The following SNTG1 variants were observed in gnomAD, a reference collection of about 807,000 sequenced individuals.
SNTG1 encodes the protein syntrophin gamma 1.
A neutral mutation model predicts 74.7 loss-of-function variants in SNTG1; 39 were observed. The observed-to-expected ratio is 0.52, with a 90% confidence interval of 0.40 to 0.68. The LOEUF (loss-of-function observed/expected upper bound fraction) is 0.68, where lower values mean the gene tolerates loss of function less well. Ranked by LOEUF, SNTG1 falls within the 30% of genes least tolerant of loss-of-function variation. The probability of loss-of-function intolerance (pLI) is 0.00; values close to 1 mark genes in which losing one functional copy is unlikely to be tolerated. For missense variants in SNTG1, 685 were observed against 609.5 expected (o/e 1.12, Z -1.30); for synonymous variants, 254 against 217.1 (o/e 1.17, Z -1.49).
intron 1 of SNTG1, among the ~76,000 whole-genome samples, chr8:50,090,593 T>G (rs2079690734): frequency 6.6e-6 from 1 of 152,182 alleles, no homozygotes; most frequent in South Asian, 2.1e-4. Flanking sequence ...CTTGGCCGGG[T>G]GAAGACAATG....
At chr8:50,213,811 T>G (rs1007984617) in intron 2 of SNTG1, among the ~76,000 whole-genome samples, 5 of 151,954 alleles carry the variant, frequency 3.3e-5, no homozygotes, top group Admixed American at 3.3e-4. Flanking sequence ...TTGAGTTCAT[T>G]GTAGATTCTG....
At chr8:50,444,597 A>G (rs975432199) in intron 5 of SNTG1, among the ~76,000 whole-genome samples, 2 of 152,094 alleles carry the variant, frequency 1.3e-5, no homozygotes, top group Admixed American at 6.5e-5. Context: ...TAAAAATACA[A>G]AAATTATCCA....
In SNTG1 at chr8:50,552,010, T is replaced by A. The variant is rs149905363; in HGVS notation, c.681-1040T>A. Among the ~76,000 whole-genome samples the A allele has an allele frequency of 2.0e-3, 305 of 152,286 alleles. 2 individuals carry two copies. Among genetic ancestry groups the A allele is most frequent in the African/African-American group, 6.7e-3 (280 of 41,562 alleles). ...TTTGGGGAATAAACTCTGTTTTATA[T>A]CCAAAAATGTCTAGTAGAAGAGCCA... On this transcript the variant is annotated intron_variant, in intron 11 of 18. Coordinates refer to ENST00000642720, the MANE Select transcript of SNTG1 (RefSeq NM_018967.5).
intron 1 of SNTG1, among the ~76,000 whole-genome samples, chr8:50,086,851 A>G (rs1250398245): frequency 6.6e-6 from 1 of 152,230 alleles, no homozygotes; most frequent in Non-Finnish European, 1.5e-5. Context: ...GGGTTAGAAT[A>G]TCTGCTTAAA....
chr8:50,008,155 A>T (rs193155475), intron 1 of SNTG1, among the ~76,000 whole-genome samples: 1 of 152,240 alleles, frequency 6.6e-6, no homozygotes, highest in African/African-American at 2.4e-5. Context: ...AAAAAAACCC[A>T]CATGTTTCTA....
chr8:50,533,528 T>C (rs2094285692), intron 10 of SNTG1, among the ~76,000 whole-genome samples: 1 of 152,146 alleles, frequency 6.6e-6, no homozygotes, highest in African/African-American at 2.4e-5. Flanking sequence ...ACAAAAGTGA[T>C]TGTGTTTTTA....
chr8:50,484,145 TTTCTTTCCTTCCTTCC>T (rs2093766856), intron 8 of SNTG1, among the ~76,000 whole-genome samples: 52 of 61,178 alleles, frequency 8.5e-4, no homozygotes, highest in African/African-American at 2.2e-3. Flanking sequence ...TCCTTCTTTC[TTTCTTTCCTTCCTTCC>T]TTCCTTCCTT....
intron 1 of SNTG1, among the ~76,000 whole-genome samples, chr8:49,946,488 TA>T (rs1483251746): frequency 6.6e-6 from 1 of 152,224 alleles, no homozygotes; most frequent in African/African-American, 2.4e-5. Context: ...TTGAACATTT[TA>T]AATATTTGAA....
chr8:50,248,154 C>T (rs1428530635), intron 2 of SNTG1, among the ~76,000 whole-genome samples: 1 of 152,134 alleles, frequency 6.6e-6, no homozygotes, highest in Non-Finnish European at 1.5e-5. Context: ...TCTGCAAACA[C>T]CTTATCTCCA....
At chr8:50,094,921 T>C (rs1050783246) in intron 1 of SNTG1, among the ~76,000 whole-genome samples, 1 of 152,126 alleles carries the variant, frequency 6.6e-6, no homozygotes, top group African/African-American at 2.4e-5. Context: ...TGCCCATCAA[T>C]GGTAAACTGG....
intron 2 of SNTG1, among the ~76,000 whole-genome samples, chr8:50,215,401 C>A (rs971063085): frequency 6.9e-6 from 1 of 145,028 alleles, no homozygotes; most frequent in South Asian, 2.1e-4. Context: ...TGTATATATA[C>A]TATATATATA....
intron 2 of SNTG1, among the ~76,000 whole-genome samples, chr8:50,210,308 G>A (rs1417593582): frequency 3.3e-5 from 5 of 152,164 alleles, no homozygotes; most frequent in African/African-American, 4.8e-5. Flanking sequence ...CACTCTTCAG[G>A]ATATTATCCA....
At chr8:50,335,180 T>C (rs754235653) in intron 2 of SNTG1, among the ~76,000 whole-genome samples, 5 of 152,228 alleles carry the variant, frequency 3.3e-5, no homozygotes, top group Non-Finnish European at 7.3e-5. Context: ...CTCCTTGTTC[T>C]ATTCCTTCTG....
intron 2 of SNTG1, among the ~76,000 whole-genome samples, chr8:50,269,388 C>T (rs1028357288): frequency 6.6e-6 from 1 of 152,112 alleles, no homozygotes; most frequent in South Asian, 2.1e-4. Context: ...AAAATTTGAG[C>T]AAAATTTGTT....
At chr8:50,731,125 T>C (rs1239800285) in intron 17 of SNTG1, among the ~76,000 whole-genome samples, 4 of 152,178 alleles carry the variant, frequency 2.6e-5, no homozygotes, top group Non-Finnish European at 5.9e-5. Flanking sequence ...AGTATTCATC[T>C]TTATTTCAGT....
intron 17 of SNTG1, among the ~76,000 whole-genome samples, chr8:50,739,491 G>GGAA (rs2095537590): frequency 6.6e-6 from 1 of 152,024 alleles, no homozygotes; most frequent in Admixed American, 6.6e-5. Context: ...CAGCCATTGT[G>GGAA]GAAGACACTA....
At chr8:50,284,386 T>G (rs541435067) in intron 2 of SNTG1, among the ~76,000 whole-genome samples, 6 of 152,154 alleles carry the variant, frequency 3.9e-5, no homozygotes, top group Non-Finnish European at 7.4e-5. Context: ...CAAGCAGACA[T>G]ACCCTGAACA....
At chr8:50,635,233 T>C (rs2095031256) in intron 13 of SNTG1, among the ~76,000 whole-genome samples, 2 of 152,182 alleles carry the variant, frequency 1.3e-5, no homozygotes, top group Admixed American at 6.5e-5. Flanking sequence ...CCTGTCCCTC[T>C]ATGGATCTGT....
intron 2 of SNTG1, among the ~76,000 whole-genome samples, chr8:50,356,264 G>A (rs954302224): frequency 4.6e-5 from 7 of 152,028 alleles, no homozygotes; most frequent in Non-Finnish European, 2.9e-5. Flanking sequence ...GCTTCCCAGG[G>A]AAGGGGTTCA....
Sources: gnomAD v4.1 joint callset for allele counts (sites outside exome capture counted in the v4.1 genomes callset) on GRCh38, gnomAD v4.1.1 for gene constraint, MANE v1.5 for transcripts, NCBI Gene and HGNC (gene_info 2026-07-23, HGNC 2026-07-21) for gene names.